The following GPC5 variants were observed in gnomAD, a reference collection of about 807,000 sequenced individuals.
The protein encoded by GPC5 is glypican-5.
GPC5 carries 47 observed loss-of-function variants against 53.9 expected under a neutral mutation model. That is an observed-to-expected ratio of 0.87 (90% CI 0.69 to 1.11). The LOEUF (loss-of-function observed/expected upper bound fraction) is 1.11, where lower values mean the gene tolerates loss of function less well. Ranked by LOEUF, GPC5 falls within the 50% of genes most tolerant of loss-of-function variation. GPC5 has a pLI of 0.00. For missense variants in GPC5, 748 were observed against 713.1 expected (o/e 1.05, Z -0.56); for synonymous variants, 286 against 263.3 (o/e 1.09, Z -0.84).
chr13:92,366,849 T>G (rs150368015), intron 7 of GPC5, among the ~76,000 whole-genome samples: 1 of 152,224 alleles, frequency 6.6e-6, no homozygotes, highest in Non-Finnish European at 1.5e-5. Context: ...TCAAGACTAG[T>G]GCACATATCA....
At chr13:91,407,892 TTATC>T (rs1200516207) in intron 1 of GPC5, among the ~76,000 whole-genome samples, 3 of 152,230 alleles carry the variant, frequency 2.0e-5, no homozygotes, top group African/African-American at 7.2e-5. Flanking sequence ...TTAGAAATAT[TTATC>T]TAATCTTTTT....
At chr13:92,126,856 T>G (rs796704507) in intron 6 of GPC5, among the ~76,000 whole-genome samples, 12 of 133,656 alleles carry the variant, frequency 9.0e-5, no homozygotes, top group Non-Finnish European at 2.2e-4. Flanking sequence ...GTGTGTGCAT[T>G]TGTGTGTATG....
chr13:92,145,283 T>C (rs111234258), intron 7 of GPC5, among the ~76,000 whole-genome samples: 90 of 152,258 alleles, frequency 5.9e-4, no homozygotes, highest in African/African-American at 2.1e-3. Flanking sequence ...TGGATACTAA[T>C]TGTATATTGA....
intron 3 of GPC5, among the ~76,000 whole-genome samples, chr13:91,705,717 G>A (rs372496878): frequency 6.9e-5 from 10 of 144,756 alleles, no homozygotes; most frequent in African/African-American, 2.3e-4. Flanking sequence ...ATTTCCAAAT[G>A]ACATGTAGTT....
At chr13:92,452,909 A>G (rs368836624) in intron 7 of GPC5, among the ~76,000 whole-genome samples, 2 of 152,150 alleles carry the variant, frequency 1.3e-5, no homozygotes, top group African/African-American at 4.8e-5. Context: ...TAGCACAGAA[A>G]GCTAATTCCC....
At chr13:92,112,813 G>A (rs1406094665) in intron 6 of GPC5, among the ~76,000 whole-genome samples, 1 of 152,052 alleles carries the variant, frequency 6.6e-6, no homozygotes, top group Admixed American at 6.6e-5. Context: ...GTAGGGAAAT[G>A]TTTTATATTC....
chr13:92,619,070 G>A (rs1404490996), intron 7 of GPC5, among the ~76,000 whole-genome samples: 1 of 151,860 alleles, frequency 6.6e-6, no homozygotes, highest in African/African-American at 2.4e-5. Context: ...TTTTCTCAAA[G>A]CTAAATTACT....
intron 7 of GPC5, among the ~76,000 whole-genome samples, chr13:92,596,067 A>C (rs1246929962): frequency 6.6e-6 from 1 of 152,182 alleles, no homozygotes; most frequent in Non-Finnish European, 1.5e-5. Context: ...ATTCAGATAG[A>C]GATGTTTGAG....
At chr13:92,143,779 ACT>A (rs1397561842) in intron 6 of GPC5, among the ~76,000 whole-genome samples, 2 of 151,952 alleles carry the variant, frequency 1.3e-5, no homozygotes, top group South Asian at 2.1e-4. Context: ...AGGCTATTTG[ACT>A]CTCTGTTCTT....
intron 2 of GPC5, among the ~76,000 whole-genome samples, chr13:91,508,578 G>C (rs1413618622): frequency 6.6e-6 from 1 of 152,074 alleles, no homozygotes; most frequent in Non-Finnish European, 1.5e-5. Flanking sequence ...AGGACATGAA[G>C]TTCTATTTAT....
chr13:91,991,828 T>C (rs1475739942), intron 6 of GPC5, among the ~76,000 whole-genome samples: 1 of 148,626 alleles, frequency 6.7e-6, no homozygotes, highest in Non-Finnish European at 1.5e-5. Context: ...GATAGTTAAT[T>C]TCTCTGCATC....
intron 7 of GPC5, among the ~76,000 whole-genome samples, chr13:92,291,859 C>T (rs893435692): frequency 2.0e-5 from 3 of 152,072 alleles, no homozygotes; most frequent in African/African-American, 4.8e-5. Flanking sequence ...ACACTCACCA[C>T]GAAGGTCTGC....
At chr13:92,521,414 C>G (rs9523704) in intron 7 of GPC5, among the ~76,000 whole-genome samples, 121,864 of 152,104 alleles carry the variant, frequency 0.8, 48,792 homozygotes, top group Admixed American at 0.82. Context: ...GCATGGTACT[C>G]GTACCAAAAC....
At chr13:92,126,046 C>T (rs12858407) in intron 6 of GPC5, among the ~76,000 whole-genome samples, 1 of 143,566 alleles carries the variant, frequency 7.0e-6, no homozygotes, top group Non-Finnish European at 1.5e-5. Context: ...CCTCCACCTC[C>T]TGGGTTGGAG....
chr13:91,574,154 C>A (rs1459612881), intron 2 of GPC5, among the ~76,000 whole-genome samples: 2 of 152,120 alleles, frequency 1.3e-5, no homozygotes, highest in Non-Finnish European at 2.9e-5. Context: ...GAGCTACATT[C>A]TGATTTGCCA....
intron 6 of GPC5, among the ~76,000 whole-genome samples, chr13:91,984,988 T>C (rs891971684): frequency 2.6e-5 from 4 of 152,228 alleles, no homozygotes; most frequent in East Asian, 1.9e-4. Flanking sequence ...TTAAGCCAAA[T>C]TGGCAAATTG....
At chr13:92,448,455 T>C (rs928447438) in intron 7 of GPC5, 1 of 152,144 alleles carries the variant, frequency 6.6e-6, no homozygotes, top group African/African-American at 2.4e-5. Flanking sequence ...TAAAAATTGA[T>C]TTGGTATCAG....
intron 2 of GPC5, among the ~76,000 whole-genome samples, chr13:91,673,671 T>C (rs572205565): frequency 4.2e-4 from 64 of 152,308 alleles, no homozygotes; most frequent in African/African-American, 1.3e-3. Context: ...TCAGTGCTTT[T>C]AAATTAATTT....
At chr13:91,783,749 T>C (rs930877415) in intron 5 of GPC5, among the ~76,000 whole-genome samples, 2 of 152,148 alleles carry the variant, frequency 1.3e-5, no homozygotes, top group African/African-American at 4.8e-5. Context: ...GCTATTTTTT[T>C]AATCAGAAAA....
Sources: gnomAD v4.1 joint callset for allele counts (sites outside exome capture counted in the v4.1 genomes callset) on GRCh38, gnomAD v4.1.1 for gene constraint, MANE v1.5 for transcripts, NCBI Gene and HGNC (gene_info 2026-07-23, HGNC 2026-07-21) for gene names.